RTP4: variants seen among roughly 807,000 people sequenced by gnomAD.
RTP4 encodes the protein receptor transporter protein 4.
RTP4 carries 5 observed loss-of-function variants against 6.5 expected under a neutral mutation model. That is an observed-to-expected ratio of 0.77 (90% CI 0.40 to 1.62). RTP4 has a LOEUF of 1.62. Among genes scored for constraint, RTP4 ranks in the 40% most tolerant of loss-of-function variants. The pLI is 0.02. For missense variants in RTP4, 266 were observed against 288.7 expected (o/e 0.92, Z 0.57); for synonymous variants, 112 against 114.8 (o/e 0.98, Z 0.15).
rs191077823 is a variant in RTP4 at position 187,370,623 on chromosome 3, T to C, written c.156-165T>C. 2.6e-3 allele frequency among the ~76,000 whole-genome samples: 403 copies of C among 152,284 alleles called. 2 individuals are homozygous for C. The highest frequency in any genetic ancestry group is 9.2e-3 in the African/African-American group (383 of 41,548). The stretch of plus-strand genomic sequence containing the variant: ...CAGTAGGTCACAGGAAAAAGCCTTA[T>C]CTGAAACATAGTCCTTCTTGTTCCT... On this transcript the variant is annotated intron_variant, in intron 1 of 1. Coordinates refer to ENST00000259030, the MANE Select transcript of RTP4 (RefSeq NM_022147.3).
rs779745082 is a variant in RTP4 at position 187,371,483 on chromosome 3, T to G, written c.*110T>G. On this transcript the variant is annotated 3_prime_UTR_variant, in exon 2 of 2. Coordinates refer to ENST00000259030, the MANE Select transcript of RTP4 (RefSeq NM_022147.3). ...TTTTGAGACCAAGCAGGATCAAGTT[T>G]GTAGAATAAACACTGGTTTCCTAGC... The G allele has an allele frequency of 2.6e-6, 2 of 766,836 alleles. No individual in the cohort carries two copies. The highest frequency in any genetic ancestry group is 4.1e-6 in the Non-Finnish European group (2 of 486,254). The allele number at this position is 766,836 out of a possible 1,614,324, so 47.5% of individuals were successfully genotyped here.
rs1483253661 is a variant in RTP4 at position 187,371,281 on chromosome 3, T to C, written c.649T>C (p.Leu217=). 6.2e-7 allele frequency: 1 copy of C among 1,609,420 alleles called. No individual in the cohort carries two copies. Among genetic ancestry groups the C allele is most frequent in the Non-Finnish European group, 8.5e-7 (1 of 1,180,004 alleles). The change falls in exon 2 of 2, where the codon TTA becomes CTA. Residue 217 remains leucine, a synonymous_variant. Transcript: ENST00000259030. The stretch of plus-strand genomic sequence containing the variant: ...GGCTAAGGGGAGTGGGTATGAGAAA[T>C]TAGGGCCCAGTCGAGACCCAGATCC... ...KEAKGSGYEK[L]GPSRDPDPLN...
rs1711615734 is a variant in RTP4 at position 187,371,500 on chromosome 3, T to G, written c.*127T>G. ...ATCAAGTTTGTAGAATAAACACTGG[T>G]TTCCTAGCCATCCTCTGAAAACAGT... is the stretch of plus-strand genomic sequence containing the variant. On this transcript the variant is annotated 3_prime_UTR_variant, in exon 2 of 2. Coordinates refer to ENST00000259030, the MANE Select transcript of RTP4 (RefSeq NM_022147.3). 1 of 657,854 alleles carries G rather than the reference T, an allele frequency of 1.5e-6. No homozygotes were observed. The highest frequency in any genetic ancestry group is 1.8e-5 in the African/African-American group (1 of 54,980). 40.8% of individuals were successfully genotyped at this position (657,854 alleles called of 1,614,324 possible).
rs755300415 is a variant in RTP4 at position 187,370,888 on chromosome 3, A to G, written c.256A>G (p.Met86Val). Reference protein sequence around the residue: ...EHWTSQGQVRMRLFGQRCQKC... With the variant: ...EHWTSQGQVRVRLFGQRCQKC... Reference sequence around the variant, plus strand: ...CTGGACATCCCAGGGTCAGGTGCGTATGAGGCTCTTTGGCCAAAGGTGCCA... The same window carrying G: ...CTGGACATCCCAGGGTCAGGTGCGTGTGAGGCTCTTTGGCCAAAGGTGCCA... The change falls in exon 2 of 2, where the codon ATG becomes GTG. Residue 86 changes from methionine to valine, a missense_variant. Coordinates refer to ENST00000259030, the MANE Select transcript of RTP4 (RefSeq NM_022147.3). 1.2e-6 allele frequency: 2 copies of G among 1,613,994 alleles called. No homozygotes were observed. Among genetic ancestry groups the G allele is most frequent in the African/African-American group, 1.3e-5 (1 of 74,846 alleles).
chr3:187,371,198 GAATTGGTGCTGTGTACCTCGCA>G lies in RTP4; in HGVS notation c.569_590del (p.Ile190ThrfsTer21), dbSNP rs754849247. On this transcript the variant is annotated frameshift_variant, in exon 2 of 2. Coordinates refer to ENST00000259030, the MANE Select transcript of RTP4 (RefSeq NM_022147.3). LOFTEE classifies it low-confidence loss of function (END_TRUNC). ...CTAAAGACTGGGAATTCCTCACCTGGAATTGGTGCTGTGTACCTCGCAAACCAAGCCAAGAACCAGTCAGCTG... is the reference window on the plus strand; with the variant it reads ...CTAAAGACTGGGAATTCCTCACCTGGAACCAAGCCAAGAACCAGTCAGCTG... The G allele has an allele frequency of 4.3e-6, 7 of 1,614,080 alleles. No homozygotes were observed. The highest frequency in any genetic ancestry group is 5.9e-6 in the Non-Finnish European group (7 of 1,180,034).
rs35224605 is a variant in RTP4, at chr3:187,371,135, G to C, written c.503G>C (p.Ser168Thr). The change falls in exon 2 of 2, where the codon AGC becomes ACC. Residue 168 changes from serine to threonine, a missense_variant. Coordinates refer to ENST00000259030, the MANE Select transcript of RTP4 (RefSeq NM_022147.3). ...TLGICGQGLKSCMTKPSKSLL... is the reference protein window; with the variant it reads ...TLGICGQGLKTCMTKPSKSLL... ...GGCATCTGTGGACAGGGCTTAAAAA[G>C]CTGCATGACAAAGCCGTCCAAATCC... 6.2e-7 allele frequency: 1 copy of C among 1,614,056 alleles called. No homozygotes were observed. Among genetic ancestry groups the C allele is most frequent in the East Asian group, 2.2e-5 (1 of 44,876 alleles).
chr3:187,368,659 T>G, intron 1 of RTP4, 63 bp downstream of exon 1: 1 of 1,467,904 alleles, frequency 6.8e-7, no homozygotes, highest in Non-Finnish European at 9.2e-7. Flanking sequence ...CAGCTTAGCA[T>G]GATTTATTCC....
chr3:187,370,063 G>A (rs1015679725), intron 1 of RTP4, among the ~76,000 whole-genome samples: 1 of 152,136 alleles, frequency 6.6e-6, no homozygotes, highest in Admixed American at 6.5e-5. Context: ...CACATACATC[G>A]TCTCTTTTGA....
intron 1 of RTP4, among the ~76,000 whole-genome samples, chr3:187,369,486 C>T (rs1711561294): frequency 1.3e-5 from 2 of 152,150 alleles, no homozygotes; most frequent in Admixed American, 1.3e-4. Context: ...TCCTTCAAGG[C>T]CCACTCTAGT....
Position 187,368,741 on chromosome 3 carries a change from T to C in RTP4, c.155+145T>C. On this transcript the variant is annotated intron_variant, in intron 1 of 1. Coordinates refer to ENST00000259030, the MANE Select transcript of RTP4 (RefSeq NM_022147.3). Reference sequence around the variant, plus strand: ...ATTGTGGTCATAGTACTCTTTAGGGTCGACATGATAAGACGACTCCAAACC... The same window carrying C: ...ATTGTGGTCATAGTACTCTTTAGGGCCGACATGATAAGACGACTCCAAACC... 3 of 632,224 alleles carry C rather than the reference T, an allele frequency of 4.7e-6. No homozygotes were observed. In the South Asian group the frequency reaches 1.3e-4, roughly 27 times the overall value. The allele number at this position is 632,224 out of a possible 1,614,324, so 39.2% of individuals were successfully genotyped here.
In RTP4 at chr3:187,371,357, G is replaced by T. The variant is rs1326746031; in HGVS notation, c.725G>T (p.Cys242Phe). 1.3e-6 allele frequency: 2 copies of T among 1,595,920 alleles called. No homozygotes were observed. Among genetic ancestry groups the T allele is most frequent in the Non-Finnish European group, 8.5e-7 (1 of 1,176,940 alleles). The change falls in exon 2 of 2, where the codon TGC becomes TTC. Residue 242 changes from cysteine (C) to phenylalanine (F), a missense_variant. By Grantham distance (205) the Cys-to-Phe change is radical. Coordinates refer to ENST00000259030, the MANE Select transcript of RTP4 (RefSeq NM_022147.3). The stretch of plus-strand genomic sequence containing the variant: ...CTGCTTGTATTTATTGTAGTCAAAT[G>T]CTTTACATCAGAATGATGAAAATAG... ...ILLLVFIVVK[C>F]FTSE is the part of the protein sequence containing the mutation.
rs1238020015 is a variant in RTP4, at chr3:187,370,864, T to C, written c.232T>C (p.Trp78Arg). 1.9e-6 allele frequency: 3 copies of C among 1,614,104 alleles called. No individual in the cohort carries two copies. Among genetic ancestry groups the C allele is most frequent in the East Asian group, 2.2e-5 (1 of 44,876 alleles). The change falls in exon 2 of 2, where the codon TGG becomes CGG. Residue 78 changes from tryptophan (W) to arginine (R), a missense_variant. Transcript: ENST00000259030. ...QILCHTYWEH[W>R]TSQGQVRMRL... ...TCTGTGCCACACGTACTGGGAGCAC[T>C]GGACATCCCAGGGTCAGGTGCGTAT...
In RTP4 at chr3:187,368,700, C is replaced by T. The variant is rs994892876; in HGVS notation, c.155+104C>T. Reference sequence around the variant, plus strand: ...GAGCTTGTTGAAGGAGTAAATGTCACCAGGGCCTCCATCCTATTGTGGTCA... The same window carrying T: ...GAGCTTGTTGAAGGAGTAAATGTCATCAGGGCCTCCATCCTATTGTGGTCA... On this transcript the variant is annotated intron_variant, in intron 1 of 1. Coordinates refer to ENST00000259030, the MANE Select transcript of RTP4 (RefSeq NM_022147.3). The T allele has an allele frequency of 1.5e-4, 159 of 1,059,464 alleles. 2 individuals carry two copies. Among genetic ancestry groups the T allele is most frequent in the South Asian group, 2.4e-4 (14 of 57,446 alleles). The allele number at this position is 1,059,464 out of a possible 1,614,324, so 65.6% of individuals were successfully genotyped here. A position where few individuals can be genotyped will look rare whatever the true frequency, so the allele number is the denominator to read the frequency against.
At position 187,371,337 on chromosome 3, in the gene RTP4, T is replaced by G; in HGVS notation, c.705T>G (p.Leu235=). 6.2e-7 allele frequency: 1 copy of G among 1,600,190 alleles called. No individual in the cohort carries two copies. The highest frequency in any genetic ancestry group is 2.2e-5 in the East Asian group (1 of 44,864). ...ACATCTGTGTCTTTATTTTGCTGCT[T>G]GTATTTATTGTAGTCAAATGCTTTA... is the stretch of plus-strand genomic sequence containing the variant. ...PLNICVFILL[L]VFIVVKCFTS... Residue 235 remains leucine, a synonymous_variant, in exon 2 of 2, where the codon CTT becomes CTG. Coordinates refer to ENST00000259030, the MANE Select transcript of RTP4 (RefSeq NM_022147.3).
Position 187,370,771 on chromosome 3 carries a change from C to T in RTP4, c.156-17C>T, listed in dbSNP as rs907098177. ...AACCAGATGAAGGCATAATGGGTGT[C>T]TTCCTTCTGACTGCAGGTTCCGGTG... On this transcript the variant is annotated splice_polypyrimidine_tract_variant and intron_variant, in intron 1 of 1. Coordinates refer to ENST00000259030, the MANE Select transcript of RTP4 (RefSeq NM_022147.3). The T allele has an allele frequency of 6.2e-7, 1 of 1,601,296 alleles. No individual in the cohort carries two copies. The highest frequency in any genetic ancestry group is 1.1e-5 in the South Asian group (1 of 90,186).
rs1466518283 is a variant in RTP4 at position 187,371,899 on chromosome 3, C to G, written c.*526C>G. ...GTGCTTTGAAGTTGGAGGAAGAGGTCACAGGCAAAAAAGTACAGGCAGCCT... is the reference window on the plus strand; with the variant it reads ...GTGCTTTGAAGTTGGAGGAAGAGGTGACAGGCAAAAAAGTACAGGCAGCCT... On this transcript the variant is annotated 3_prime_UTR_variant, in exon 2 of 2. Coordinates refer to ENST00000259030, the MANE Select transcript of RTP4 (RefSeq NM_022147.3). The G allele has an allele frequency of 6.5e-6, 1 of 154,082 alleles. No homozygotes were observed. The highest frequency in any genetic ancestry group is 1.9e-4 in the East Asian group (1 of 5,224). 9.5% of individuals were successfully genotyped at this position (154,082 alleles called of 1,614,324 possible). A position where few individuals can be genotyped will look rare whatever the true frequency, so the allele number is the denominator to read the frequency against.
chr3:187,368,755 C>T (rs181556735), intron 1 of RTP4, among the ~76,000 whole-genome samples, 159 bp downstream of exon 1: 7 of 152,270 alleles, frequency 4.6e-5, no homozygotes, highest in South Asian at 2.1e-4. Context: ...CATGATAAGA[C>T]GACTCCAAAC....
Position 187,371,381 on chromosome 3 carries a change from AG to A in RTP4, c.*10del, listed in dbSNP as rs777512468. On this transcript the variant is annotated 3_prime_UTR_variant, in exon 2 of 2. Transcript: ENST00000259030. ...TGCTTTACATCAGAATGATGAAAAT[AG>A]GCTTGCCACTTTCTCTTATTTTAAT... 4 of 1,564,472 alleles carry A rather than the reference AG, an allele frequency of 2.6e-6. No individual in the cohort carries two copies. In the Admixed American group the frequency reaches 7.0e-5, roughly 27 times the overall value.
In RTP4 at chr3:187,371,439, T is replaced by G; in HGVS notation, c.*66T>G. On this transcript the variant is annotated 3_prime_UTR_variant, in exon 2 of 2. Transcript: ENST00000259030. ...GTAGTCAATGAACTGGCTGCCACTT[T>G]AATATAACTGAAAATTCATTTTGAG... 1 of 1,162,242 alleles carries G rather than the reference T, an allele frequency of 8.6e-7. No homozygotes were observed. The highest frequency in any genetic ancestry group is 1.2e-6 in the Non-Finnish European group (1 of 834,542). The allele number at this position is 1,162,242 out of a possible 1,614,324, so 72.0% of individuals were successfully genotyped here. A position where few individuals can be genotyped will look rare whatever the true frequency, so the allele number is the denominator to read the frequency against.
Sources: allele counts gnomAD v4.1 joint callset (sites outside exome capture counted in the v4.1 genomes callset), GRCh38; gene constraint gnomAD v4.1.1; transcripts MANE v1.5; gene names NCBI Gene and HGNC (gene_info 2026-07-23, HGNC 2026-07-21).